Variants in UMAD1 observed in about 807,000 individuals in gnomAD.
The protein encoded by UMAD1 is UBAP1-MVB12-associated (UMA)-domain containing protein 1.
In UMAD1, 8 loss-of-function variants were observed where a neutral mutation model predicts 6.1. The observed-to-expected ratio is 1.30, with a 90% CI of 0.76 to 2.35. UMAD1 has a LOEUF of 2.35. Among genes scored for constraint, UMAD1 ranks in the 30% most tolerant of loss-of-function variants. The pLI, the probability that UMAD1 is intolerant of heterozygous loss-of-function variation, is 0.00. For missense variants in UMAD1, 130 were observed against 78.4 expected (o/e 1.66, Z -2.49); for synonymous variants, 56 against 31.4 (o/e 1.78, Z -2.61).
intron 1 of UMAD1, among the ~76,000 whole-genome samples, chr7:7,647,582 C>G (rs1785124716): frequency 6.6e-6 from 1 of 152,078 alleles, no homozygotes; most frequent in South Asian, 2.1e-4. Context: ...CAAATTTCTC[C>G]TTGAAGCCCT....
chr7:7,835,634 G>A (rs1783554313), intron 3 of UMAD1, among the ~76,000 whole-genome samples: 1 of 151,578 alleles, frequency 6.6e-6, no homozygotes. Flanking sequence ...AAACACAATA[G>A]TATGCTAACA....
intron 3 of UMAD1, among the ~76,000 whole-genome samples, chr7:7,864,722 A>T (rs948675665): frequency 1.3e-5 from 2 of 151,644 alleles, no homozygotes; most frequent in Non-Finnish European, 2.9e-5. Context: ...ATGTTATCTG[A>T]GGACCCACTG....
intron 2 of UMAD1, among the ~76,000 whole-genome samples, chr7:7,688,838 T>C (rs1210764301): frequency 6.6e-6 from 1 of 152,212 alleles, no homozygotes; most frequent in Admixed American, 6.5e-5. Flanking sequence ...TTAATAGCTT[T>C]TGTAATGACT....
chr7:7,875,853 G>A (rs989933632), intron 3 of UMAD1, among the ~76,000 whole-genome samples: 1 of 152,206 alleles, frequency 6.6e-6, no homozygotes, highest in Non-Finnish European at 1.5e-5. Flanking sequence ...GAGGCAGGCA[G>A]ATCGCTTGAG....
At chr7:7,666,064 T>C (rs139714574) in intron 1 of UMAD1, among the ~76,000 whole-genome samples, 3 of 152,212 alleles carry the variant, frequency 2.0e-5, no homozygotes, top group African/African-American at 4.8e-5. Context: ...TGTTTATGTT[T>C]TTAAGAAACT....
intron 1 of UMAD1, among the ~76,000 whole-genome samples, chr7:7,665,317 C>A (rs557927944): frequency 6.6e-6 from 1 of 152,184 alleles, no homozygotes; most frequent in Non-Finnish European, 1.5e-5. Flanking sequence ...CCCTTTTATA[C>A]GCAGTCTGTG....
intron 2 of UMAD1, among the ~76,000 whole-genome samples, chr7:7,769,810 C>G (rs1045864531): frequency 2.0e-5 from 3 of 152,050 alleles, no homozygotes; most frequent in Non-Finnish European, 4.4e-5. Flanking sequence ...ATTGCACTGG[C>G]CCTGGGGAAA....
chr7:7,810,125 A>G (rs16871750), intron 3 of UMAD1, among the ~76,000 whole-genome samples: 7,691 of 152,128 alleles, frequency 0.051, 340 homozygotes, highest in African/African-American at 0.12. Context: ...AGAATTTTTT[A>G]GTACAAAATG....
intron 2 of UMAD1, among the ~76,000 whole-genome samples, chr7:7,788,110 A>G (rs1195473335): frequency 2.6e-5 from 4 of 152,200 alleles, no homozygotes; most frequent in African/African-American, 9.6e-5. Context: ...AAATAAACAC[A>G]TTATTGTCCT....
At chr7:7,865,306 G>A (rs376521968) in intron 3 of UMAD1, among the ~76,000 whole-genome samples, 1 of 152,204 alleles carries the variant, frequency 6.6e-6, no homozygotes, top group East Asian at 1.9e-4. Flanking sequence ...CAGGAAGTTA[G>A]CGTTGGAATT....
chr7:7,700,505 G>A (rs1471124164), intron 2 of UMAD1, among the ~76,000 whole-genome samples: 1 of 152,078 alleles, frequency 6.6e-6, no homozygotes, highest in Non-Finnish European at 1.5e-5. Flanking sequence ...TGGGAAGATC[G>A]CTTGAGGCCA....
intron 3 of UMAD1, among the ~76,000 whole-genome samples, chr7:7,806,243 GTT>G (rs35024671): frequency 6.8e-6 from 1 of 147,468 alleles, no homozygotes; most frequent in Non-Finnish European, 1.5e-5. Context: ...GAACAGCAGG[GTT>G]TTTTTTTTTT....
Position 7,830,718 on chromosome 7 carries a change from G to C in UMAD1, c.156+28975G>C, listed in dbSNP as rs1336334877. 6.6e-6 allele frequency among the ~76,000 whole-genome samples: 1 copy of C among 152,084 alleles called. No individual in the cohort carries two copies. The highest frequency in any genetic ancestry group is 1.5e-5 in the Non-Finnish European group (1 of 68,014). ...TTGCCTCAGAACCTTTGTAAGAAGA[G>C]ATACAGTAGGGTTTTGAGTCAATAT... On this transcript the variant is annotated intron_variant, in intron 3 of 3. Transcript: ENST00000682710. This position sits in a 1 kb window ranked among gnomAD's most constrained non-coding sequence, Gnocchi z 5.3.
intron 2 of UMAD1, chr7:7,742,715 A>G (rs542936839): frequency 3.7e-4 from 85 of 232,736 alleles, no homozygotes; most frequent in Non-Finnish European, 6.2e-4. Context: ...GAAATTCTGT[A>G]TTTATTTCTC....
intron 3 of UMAD1, among the ~76,000 whole-genome samples, chr7:7,843,621 T>C (rs1783728191): frequency 6.6e-6 from 1 of 152,116 alleles, no homozygotes; most frequent in African/African-American, 2.4e-5. Flanking sequence ...TTGGATAGAG[T>C]TCAAACTTGT....
chr7:7,644,604 G>A (rs921112296), intron 1 of UMAD1, among the ~76,000 whole-genome samples: 1 of 152,070 alleles, frequency 6.6e-6, no homozygotes, highest in East Asian at 1.9e-4. Flanking sequence ...TTTAATTTCA[G>A]TTGTCCTAAT....
intron 2 of UMAD1, among the ~76,000 whole-genome samples, chr7:7,719,195 A>G (rs1353014029): frequency 1.3e-5 from 2 of 152,240 alleles, no homozygotes; most frequent in Non-Finnish European, 2.9e-5. Flanking sequence ...CAATGATGAA[A>G]TATGATCAGC....
intron 1 of UMAD1, among the ~76,000 whole-genome samples, chr7:7,651,545 C>G (rs12668835): frequency 6.6e-6 from 1 of 152,022 alleles, no homozygotes; most frequent in Non-Finnish European, 1.5e-5. Context: ...GCTTTGGGTA[C>G]GTATTTTTCC....
intron 1 of UMAD1, among the ~76,000 whole-genome samples, chr7:7,667,819 C>G (rs547202562): frequency 6.6e-6 from 1 of 152,214 alleles, no homozygotes; most frequent in Non-Finnish European, 1.5e-5. Flanking sequence ...TGCTGCTTTA[C>G]TGATGAAAAG....
Sources: gnomAD v4.1 joint callset for allele counts (sites outside exome capture counted in the v4.1 genomes callset) on GRCh38, gnomAD v4.1.1 for gene constraint, Gnocchi (gnomAD v3.1) non-coding constraint, MANE v1.5 for transcripts, NCBI Gene and HGNC (gene_info 2026-07-23, HGNC 2026-07-21) for gene names.